Variants in RALGPS1 observed in about 807,000 individuals in gnomAD.
RALGPS1 encodes Ral GEF with PH domain and SH3 binding motif 1.
A neutral mutation model predicts 78.8 loss-of-function variants in RALGPS1; 19 were observed. The ratio of observed to expected loss-of-function variants is 0.24; its 90% CI spans 0.17 to 0.35. RALGPS1 has a LOEUF of 0.35. RALGPS1 is among the 10% of genes least tolerant of loss of function. The pLI is 1.00. For synonymous variants in RALGPS1, 228 were observed against 256.3 expected, an observed-to-expected ratio of 0.89 and a Z score of 1.06; for missense variants, 454 against 688.3, an observed-to-expected ratio of 0.66 and a Z score of 3.81.
intron 4 of RALGPS1, among the ~76,000 whole-genome samples, chr9:127,027,550 T>G (rs966378129): frequency 5.3e-5 from 8 of 152,232 alleles, no homozygotes; most frequent in Non-Finnish European, 8.8e-5. Flanking sequence ...TAATAACTAT[T>G]AGGATCTGCT....
At chr9:126,977,844 C>T in intron 4 of RALGPS1, 99 bp downstream of exon 4, 4 of 802,644 alleles carry the variant, frequency 5.0e-6, no homozygotes, top group Non-Finnish European at 8.1e-6. Context: ...CTCTTGCAGG[C>T]TCTATAAATG....
chr9:126,952,675 GTGTGTCTGTGTGTC>G, intron 1 of RALGPS1, among the ~76,000 whole-genome samples: 1 of 106,604 alleles, frequency 9.4e-6, no homozygotes, highest in South Asian at 5.2e-4. Flanking sequence ...GTGTGTGTGT[GTGTGTCTGTGTGTC>G]TGTGTGTCTG....
At chr9:127,107,456 A>G (rs1489167922) in intron 8 of RALGPS1, among the ~76,000 whole-genome samples, 2 of 152,210 alleles carry the variant, frequency 1.3e-5, no homozygotes, top group African/African-American at 4.8e-5. Context: ...AGCCCCTACA[A>G]TGTGTTTATC....
intron 8 of RALGPS1, among the ~76,000 whole-genome samples, chr9:127,100,502 A>G (rs934976559): frequency 6.6e-6 from 1 of 152,220 alleles, no homozygotes; most frequent in African/African-American, 2.4e-5. Context: ...GACATTTTAA[A>G]AAAGAGTTTA....
At position 127,146,542 on chromosome 9, in the gene RALGPS1, C is replaced by CTTTTTTT. The variant is rs60707997; in HGVS notation, c.611-19515_611-19509dup. Among the ~76,000 whole-genome samples the CTTTTTTT allele has an allele frequency of 3.1e-5, 4 of 130,846 alleles. 1 individual carries two copies. Among genetic ancestry groups the CTTTTTTT allele is most frequent in the African/African-American group, 5.7e-5 (2 of 35,128 alleles). The allele number at this position is 130,846 out of a possible 152,430, so 85.8% of individuals were successfully genotyped here. ...GTGATGAACATGTGAGTGCATGTGTCTTTTTTTTTTTTTTTTTTGACTCAG... is the reference window on the plus strand; with the variant it reads ...GTGATGAACATGTGAGTGCATGTGTCTTTTTTTTTTTTTTTTTTTTTTTTTGACTCAG... On this transcript the variant is annotated intron_variant, in intron 8 of 18. Coordinates refer to ENST00000259351, the MANE Select transcript of RALGPS1 (RefSeq NM_014636.3).
intron 4 of RALGPS1, among the ~76,000 whole-genome samples, chr9:126,989,084 GCATCAT>G (rs143688289): frequency 1.3e-5 from 2 of 151,602 alleles, no homozygotes; most frequent in Non-Finnish European, 1.5e-5. Context: ...ATCATCATCA[GCATCAT>G]CATCATCATC....
At chr9:126,923,226 C>A (rs591370) in intron 1 of RALGPS1, among the ~76,000 whole-genome samples, 4,162 of 152,256 alleles carry the variant, frequency 0.027, 52 homozygotes, top group Middle Eastern at 0.048. Flanking sequence ...ACTTTTTATT[C>A]CAGCCTTATG....
intron 1 of RALGPS1, among the ~76,000 whole-genome samples, chr9:126,935,893 A>G (rs1289304059): frequency 6.6e-6 from 1 of 152,154 alleles, no homozygotes; most frequent in Non-Finnish European, 1.5e-5. Context: ...ATTCCATTAG[A>G]AGCACAGCAG....
intron 2 of RALGPS1, among the ~76,000 whole-genome samples, chr9:126,964,500 G>A (rs1267278687): frequency 6.6e-6 from 1 of 152,090 alleles, no homozygotes; most frequent in Non-Finnish European, 1.5e-5. Flanking sequence ...ATAGCCCTGG[G>A]AAGTAGGTTT....
At chr9:127,085,191 G>A (rs760839045) in intron 8 of RALGPS1, among the ~76,000 whole-genome samples, 1 of 152,152 alleles carries the variant, frequency 6.6e-6, no homozygotes, top group Non-Finnish European at 1.5e-5. Flanking sequence ...GGTGGGTGCC[G>A]CTTGTCACCC....
intron 3 of RALGPS1, among the ~76,000 whole-genome samples, chr9:126,969,688 C>T (rs2039909676): frequency 6.6e-6 from 1 of 152,176 alleles, no homozygotes; most frequent in African/African-American, 2.4e-5. Context: ...TAGCTGTTTA[C>T]CCTGTGGAAT....
At chr9:126,981,762 C>A (rs1232554338) in intron 4 of RALGPS1, among the ~76,000 whole-genome samples, 1 of 152,080 alleles carries the variant, frequency 6.6e-6, no homozygotes, top group Non-Finnish European at 1.5e-5. Flanking sequence ...TGTATTAGTC[C>A]TCTGTTGCTA....
chr9:126,927,744 G>T (rs927072075), intron 1 of RALGPS1, among the ~76,000 whole-genome samples: 38 of 152,128 alleles, frequency 2.5e-4, no homozygotes, highest in Non-Finnish European at 4.3e-4. Flanking sequence ...AGAAAGTTGC[G>T]CCCTCCCCCA....
At chr9:127,033,951 A>G (rs929409899) in intron 4 of RALGPS1, among the ~76,000 whole-genome samples, 1 of 152,250 alleles carries the variant, frequency 6.6e-6, no homozygotes, top group Non-Finnish European at 1.5e-5. Context: ...AGGTCATACC[A>G]GAAGCTTCTC....
intron 4 of RALGPS1, among the ~76,000 whole-genome samples, chr9:127,030,440 A>G (rs927823969): frequency 1.3e-5 from 2 of 152,184 alleles, no homozygotes; most frequent in African/African-American, 4.8e-5. Flanking sequence ...GCAGAGGACA[A>G]CAAATATGGT....
At chr9:126,961,164 G>C (rs1490148290) in intron 1 of RALGPS1, among the ~76,000 whole-genome samples, 1 of 152,222 alleles carries the variant, frequency 6.6e-6, no homozygotes, top group Non-Finnish European at 1.5e-5. Flanking sequence ...GTGTGCACTT[G>C]GGTGACAGAA....
At chr9:127,013,297 T>C (rs1319749143) in intron 4 of RALGPS1, among the ~76,000 whole-genome samples, 1 of 152,118 alleles carries the variant, frequency 6.6e-6, no homozygotes, top group Non-Finnish European at 1.5e-5. Context: ...GAGCAAGTGT[T>C]GTTTGGGAGC....
intron 8 of RALGPS1, among the ~76,000 whole-genome samples, chr9:127,157,651 C>T (rs2139313288): frequency 6.6e-6 from 1 of 152,038 alleles, no homozygotes; most frequent in Non-Finnish European, 1.5e-5. Context: ...CTGATGATTA[C>T]TGTTATATAA....
intron 4 of RALGPS1, among the ~76,000 whole-genome samples, chr9:127,028,844 C>T (rs571861562): frequency 6.6e-5 from 10 of 152,276 alleles, no homozygotes; most frequent in Middle Eastern, 3.4e-3. Flanking sequence ...AGTGACTTGT[C>T]CAGGGTCACA....
Sources: allele counts gnomAD v4.1 joint callset (sites outside exome capture counted in the v4.1 genomes callset), GRCh38; gene constraint gnomAD v4.1.1; transcripts MANE v1.5; gene names NCBI Gene and HGNC (gene_info 2026-07-23, HGNC 2026-07-21).